DTNBP1: variants seen among roughly 807,000 people sequenced by gnomAD.
DTNBP1 encodes dystrobrevin binding protein 1, also known as dysbindin.
In DTNBP1, 35 loss-of-function variants were observed where a neutral mutation model predicts 42.8. That is an observed-to-expected ratio of 0.82 (90% CI 0.63 to 1.09). The LOEUF (loss-of-function observed/expected upper bound fraction) is 1.09. Ranked by LOEUF, DTNBP1 falls within the 50% of genes least tolerant of loss-of-function variation. DTNBP1 has a pLI of 0.00. For missense variants in DTNBP1, 457 were observed against 424.2 expected (o/e 1.08, Z -0.68); for synonymous variants, 171 against 162.2 (o/e 1.05, Z -0.41).
chr6:15,655,246 C>T (rs1389344685), intron 1 of DTNBP1, among the ~76,000 whole-genome samples: 1 of 152,100 alleles, frequency 6.6e-6, no homozygotes, highest in Non-Finnish European at 1.5e-5. Flanking sequence ...CTTAGCCTCT[C>T]AAGTAGCTGG....
Position 15,564,079 on chromosome 6 carries a change from A to AG in DTNBP1, c.511+28979_511+28980insC, listed in dbSNP as rs1366586748. 2.0e-5 allele frequency among the ~76,000 whole-genome samples: 3 copies of AG among 151,746 alleles called. No individual in the cohort carries two copies. The East Asian group carries it at 5.8e-4, about 29-fold the overall frequency. On this transcript the variant is annotated intron_variant, in intron 7 of 9. Coordinates refer to ENST00000344537, the MANE Select transcript of DTNBP1 (RefSeq NM_032122.5). ...ACTTGGTCTCGGAAAAAAAAAAAAA[A>AG]AAAAGAACTCTAGCCCCAAACTCCT... is the stretch of plus-strand genomic sequence containing the variant.
At chr6:15,640,654 T>C (rs962294320) in intron 3 of DTNBP1, among the ~76,000 whole-genome samples, 2 of 152,164 alleles carry the variant, frequency 1.3e-5, no homozygotes, top group African/African-American at 4.8e-5. Flanking sequence ...CTTTGAAACA[T>C]TATGATTTAG....
At chr6:15,618,324 G>A (rs982554242) in intron 5 of DTNBP1, among the ~76,000 whole-genome samples, 12 of 151,980 alleles carry the variant, frequency 7.9e-5, no homozygotes, top group Non-Finnish European at 5.9e-5. Context: ...TCTCACCCTC[G>A]TTAGAATAGC....
At chr6:15,644,397 G>A (rs1760556607) in intron 3 of DTNBP1, among the ~76,000 whole-genome samples, 2 of 151,908 alleles carry the variant, frequency 1.3e-5, no homozygotes, top group African/African-American at 4.8e-5. Flanking sequence ...ACTAACAAAG[G>A]TTTGGACATA....
intron 6 of DTNBP1, among the ~76,000 whole-genome samples, chr6:15,608,285 C>G (rs2113678285): frequency 6.6e-6 from 1 of 151,814 alleles, no homozygotes; most frequent in Middle Eastern, 3.4e-3. Flanking sequence ...AAAAAACACA[C>G]ACATTTATCT....
At chr6:15,654,608 CT>C (rs1288854821) in intron 1 of DTNBP1, among the ~76,000 whole-genome samples, 1 of 152,098 alleles carries the variant, frequency 6.6e-6, no homozygotes, top group South Asian at 2.1e-4. Context: ...CTCTGCCCCC[CT>C]ACCCCATCTC....
intron 7 of DTNBP1, among the ~76,000 whole-genome samples, chr6:15,575,753 T>A (rs1222544050): frequency 6.6e-6 from 1 of 152,038 alleles, no homozygotes; most frequent in Non-Finnish European, 1.5e-5. Flanking sequence ...CTTAATAGGA[T>A]GAATAGATGT....
intron 4 of DTNBP1, among the ~76,000 whole-genome samples, chr6:15,635,597 G>A (rs1759960264): frequency 1.3e-5 from 2 of 152,110 alleles, no homozygotes; most frequent in Admixed American, 1.3e-4. Flanking sequence ...TGGATATGTT[G>A]GGCTAACTCA....
intron 7 of DTNBP1, among the ~76,000 whole-genome samples, chr6:15,579,636 C>T (rs1156952909): frequency 6.6e-6 from 1 of 152,090 alleles, no homozygotes. Context: ...GAAACCCTGT[C>T]TCTACTAAAA....
At chr6:15,532,097 G>A (rs1174388572) in intron 8 of DTNBP1, among the ~76,000 whole-genome samples, 1 of 152,090 alleles carries the variant, frequency 6.6e-6, no homozygotes, top group African/African-American at 2.4e-5. Context: ...GGTGAGGGAG[G>A]TGTCCAGAAG....
intron 7 of DTNBP1, chr6:15,548,446 C>CAGACACACACAG (rs202128060): frequency 4.8e-5 from 7 of 145,782 alleles, no homozygotes; most frequent in African/African-American, 1.3e-4. Flanking sequence ...CAGACACACA[C>CAGACACACACAG]ACACACACAC....
At chr6:15,584,705 CTTTTTTTTT>C (rs147548247) in intron 7 of DTNBP1, among the ~76,000 whole-genome samples, 5 of 86,432 alleles carry the variant, frequency 5.8e-5, no homozygotes, top group African/African-American at 2.0e-4. Context: ...ACATGTATTT[CTTTTTTTTT>C]TTTTTTTTTT....
At chr6:15,524,320 CTT>C (rs1244610978) in intron 9 of DTNBP1, 2 of 1,611,452 alleles carry the variant, frequency 1.2e-6, no homozygotes, top group Non-Finnish European at 1.7e-6. Context: ...CATGTCAAAT[CTT>C]TGAGAAGAAT....
intron 1 of DTNBP1, among the ~76,000 whole-genome samples, chr6:15,656,753 A>T (rs1380528785): frequency 6.6e-6 from 1 of 152,130 alleles, no homozygotes; most frequent in Non-Finnish European, 1.5e-5. Flanking sequence ...GTCTCAGAGA[A>T]AAAAAGAAAA....
intron 6 of DTNBP1, among the ~76,000 whole-genome samples, chr6:15,594,998 C>T (rs1307435783): frequency 6.6e-6 from 1 of 152,050 alleles, no homozygotes; most frequent in Non-Finnish European, 1.5e-5. Context: ...TTGAGGAGGG[C>T]GGTTTTCCTG....
intron 7 of DTNBP1, chr6:15,545,955 G>A (rs1773844651): frequency 1.5e-5 from 6 of 400,414 alleles, no homozygotes; most frequent in Non-Finnish European, 2.9e-5. Context: ...CAGGCAGGCG[G>A]GTCTCAGCAC....
chr6:15,557,276 A>G (rs9476847), intron 7 of DTNBP1, among the ~76,000 whole-genome samples: 119,645 of 147,894 alleles, frequency 0.81, 48,744 homozygotes, highest in East Asian at 1. Flanking sequence ...GCCTGGTTTA[A>G]AAGGTTAAAG....
chr6:15,593,134 A>C, intron 6 of DTNBP1, 53 bp from the exon 7 acceptor site: 1 of 1,478,188 alleles, frequency 6.8e-7, no homozygotes, highest in Non-Finnish European at 9.2e-7. Context: ...AATCTCCCCA[A>C]TGAAAACTGT....
At chr6:15,655,124 A>G (rs1761211362) in intron 1 of DTNBP1, among the ~76,000 whole-genome samples, 1 of 152,106 alleles carries the variant, frequency 6.6e-6, no homozygotes, top group South Asian at 2.1e-4. Context: ...ACTTTGTAAA[A>G]TACAATTTTT....
Sources: gnomAD v4.1 joint callset for allele counts (sites outside exome capture counted in the v4.1 genomes callset) on GRCh38, gnomAD v4.1.1 for gene constraint, MANE v1.5 for transcripts, NCBI Gene and HGNC (gene_info 2026-07-23, HGNC 2026-07-21) for gene names.